KCNQ5: variants seen among roughly 807,000 people sequenced by gnomAD.
The protein encoded by KCNQ5 is potassium voltage-gated channel subfamily KQT member 5.
In KCNQ5, 30 loss-of-function variants were observed where a neutral mutation model predicts 98.2. That is an observed-to-expected ratio of 0.31 (90% CI 0.23 to 0.41). The LOEUF is 0.41. KCNQ5 is among the 10% of genes least tolerant of loss of function. KCNQ5 has a pLI of 1.00. For missense variants in KCNQ5, 835 were observed against 1,182.5 expected (o/e 0.71, Z 4.31); for synonymous variants, 458 against 449.4 (o/e 1.02, Z -0.24).
chr6:72,622,241 G>C lies in KCNQ5; in HGVS notation c.52G>C (p.Val18Leu). ...GGAGGGCGGCGCCGCCGGGCTCTGG[G>C]TGAAGAGCGGCGCAGCGGCGGCGGC... ...GEEGGAAGLW[V>L]KSGAAAAAAG... is the part of the protein sequence containing the mutation. Residue 18 changes from valine to leucine, a missense_variant, in exon 1 of 14, where the codon GTG becomes CTG. By Grantham distance (32) the Val-to-Leu change is conservative. Transcript: ENST00000370398. This position sits in a 1 kb window ranked among gnomAD's most constrained non-coding sequence, Gnocchi z 6.0. 8.0e-7 allele frequency: 1 copy of C among 1,253,038 alleles called. No individual in the cohort carries two copies. The highest frequency in any genetic ancestry group is 3.2e-5 in the East Asian group (1 of 31,404). The allele number at this position is 1,253,038 out of a possible 1,614,324, so 77.6% of individuals were successfully genotyped here.
At chr6:73,163,660 A>G (rs545436322) in intron 10 of KCNQ5, among the ~76,000 whole-genome samples, 1 of 152,352 alleles carries the variant, frequency 6.6e-6, no homozygotes, top group African/African-American at 2.4e-5. Flanking sequence ...AGGCAGAAGA[A>G]TCGCTTGAAC....
intron 1 of KCNQ5, among the ~76,000 whole-genome samples, chr6:72,666,771 G>T (rs1162654503): frequency 1.3e-5 from 2 of 152,094 alleles, no homozygotes; most frequent in African/African-American, 4.8e-5. Context: ...AACCTTGAGA[G>T]TGCATTATCA....
chr6:72,684,019 C>T (rs892592798), intron 1 of KCNQ5, among the ~76,000 whole-genome samples: 4 of 152,106 alleles, frequency 2.6e-5, no homozygotes, highest in Non-Finnish European at 4.4e-5. Context: ...TGGTCAATAT[C>T]AACACACAGG....
intron 1 of KCNQ5, among the ~76,000 whole-genome samples, chr6:72,798,691 T>G (rs1774473403): frequency 6.6e-6 from 1 of 152,176 alleles, no homozygotes; most frequent in Non-Finnish European, 1.5e-5. Context: ...TTTCACTTAG[T>G]GTAATACATA....
At chr6:73,070,382 T>A (rs1298592484) in intron 3 of KCNQ5, among the ~76,000 whole-genome samples, 1 of 152,184 alleles carries the variant, frequency 6.6e-6, no homozygotes, top group East Asian at 1.9e-4. Context: ...TAAGATTAGT[T>A]CTCTACTTCA....
At chr6:73,030,727 A>G (rs1771107446) in intron 2 of KCNQ5, among the ~76,000 whole-genome samples, 1 of 152,196 alleles carries the variant, frequency 6.6e-6, no homozygotes, top group Non-Finnish European at 1.5e-5. Flanking sequence ...GCAGTCCACA[A>G]GAAGACTAGG....
chr6:73,038,877 G>GT (rs1771564802), intron 2 of KCNQ5, among the ~76,000 whole-genome samples: 1 of 152,160 alleles, frequency 6.6e-6, no homozygotes, highest in South Asian at 2.1e-4. Flanking sequence ...CATTGAGAAA[G>GT]TTTTTTCTCC....
At chr6:73,064,087 G>A (rs535750723) in intron 3 of KCNQ5, among the ~76,000 whole-genome samples, 4 of 152,224 alleles carry the variant, frequency 2.6e-5, no homozygotes, top group African/African-American at 7.2e-5. Flanking sequence ...GCTAAGTGAC[G>A]TTTCATCTCA....
At chr6:73,101,617 A>T (rs1774776632) in intron 5 of KCNQ5, among the ~76,000 whole-genome samples, 1 of 152,220 alleles carries the variant, frequency 6.6e-6, no homozygotes, top group Admixed American at 6.5e-5. Flanking sequence ...ACTGCAAACA[A>T]TCTGAAAAAG....
chr6:72,800,112 C>T (rs1212379698), intron 1 of KCNQ5, among the ~76,000 whole-genome samples: 4 of 152,038 alleles, frequency 2.6e-5, no homozygotes, highest in African/African-American at 9.7e-5. Flanking sequence ...ACCTTTATTC[C>T]CACTCCTATA....
At position 73,007,678 on chromosome 6, in the gene KCNQ5, C is replaced by A. The variant is rs191127713; in HGVS notation, c.489+3680C>A. On this transcript the variant is annotated intron_variant, in intron 2 of 13. Transcript: ENST00000370398. ...GCTGTGCACATGTTCCAGGAGGGAC[C>A]TGAACACAGCTTATAAGAGCCAGGA... Among the ~76,000 whole-genome samples, 33 of 152,302 alleles carry A rather than the reference C, an allele frequency of 2.2e-4. 1 individual carries two copies. The East Asian group carries it at 2.3e-3, about 11-fold the overall frequency.
intron 1 of KCNQ5, among the ~76,000 whole-genome samples, chr6:72,867,543 G>A (rs996299346): frequency 6.6e-6 from 1 of 152,128 alleles, no homozygotes; most frequent in African/African-American, 2.4e-5. Context: ...GAAGGAGAAG[G>A]GATTTTTAAA....
chr6:72,668,509 T>G (rs1235954998), intron 1 of KCNQ5, among the ~76,000 whole-genome samples: 1 of 152,054 alleles, frequency 6.6e-6, no homozygotes, highest in Admixed American at 6.6e-5. Flanking sequence ...TTTAGAAAAG[T>G]TTTTTTGTGA....
chr6:72,930,579 CAAAAAAAAAA>C (rs5877339), intron 1 of KCNQ5, among the ~76,000 whole-genome samples: 2 of 94,210 alleles, frequency 2.1e-5, no homozygotes, highest in Non-Finnish European at 4.4e-5. Context: ...GACATTTTAC[CAAAAAAAAAA>C]AAAAAAAAAA....
At chr6:72,763,467 T>A (rs1452711717) in intron 1 of KCNQ5, among the ~76,000 whole-genome samples, 1 of 152,076 alleles carries the variant, frequency 6.6e-6, no homozygotes, top group Non-Finnish European at 1.5e-5. Context: ...TCTCCATAAA[T>A]CCTTCTTTTA....
At chr6:72,912,147 A>G (rs117912587) in intron 1 of KCNQ5, among the ~76,000 whole-genome samples, 12 of 152,126 alleles carry the variant, frequency 7.9e-5, no homozygotes, top group Non-Finnish European at 1.6e-4. Context: ...TGTCATCCCA[A>G]ATGTTGGCAG....
chr6:73,193,394 G>A (rs149942361), intron 13 of KCNQ5, among the ~76,000 whole-genome samples: 2,401 of 150,634 alleles, frequency 0.016, 49 homozygotes, highest in African/African-American at 0.055. Flanking sequence ...TTTGGAGGCC[G>A]AGGCGGGCAG....
Position 72,622,697 on chromosome 6 carries a change from G to C in KCNQ5, c.398+110G>C. 8.2e-7 allele frequency: 1 copy of C among 1,215,470 alleles called. No individual in the cohort carries two copies. The highest frequency in any genetic ancestry group is 1.4e-5 in the South Asian group (1 of 69,906). The allele number at this position is 1,215,470 out of a possible 1,614,324, so 75.3% of individuals were successfully genotyped here. On this transcript the variant is annotated intron_variant, in intron 1 of 13. Coordinates refer to ENST00000370398, the MANE Select transcript of KCNQ5 (RefSeq NM_019842.4). This position sits in a 1 kb window ranked among gnomAD's most constrained non-coding sequence, Gnocchi z 6.0. The stretch of plus-strand genomic sequence containing the variant: ...GGGCCCCCGCGCGCGTGCACACGTG[G>C]TGGCTTTTATTTCTTCGCACGTGTT...
chr6:73,081,350 T>C (rs915485050), intron 5 of KCNQ5, among the ~76,000 whole-genome samples: 1 of 152,198 alleles, frequency 6.6e-6, no homozygotes, highest in East Asian at 1.9e-4. Context: ...CTATTGTTAT[T>C]TTTCTCATTT....
Sources: gnomAD v4.1 joint callset for allele counts (sites outside exome capture counted in the v4.1 genomes callset) on GRCh38, gnomAD v4.1.1 for gene constraint, Gnocchi (gnomAD v3.1) non-coding constraint, MANE v1.5 for transcripts, NCBI Gene and HGNC (gene_info 2026-07-23, HGNC 2026-07-21) for gene names.